Variants in KCNQ5 observed in about 807,000 individuals in gnomAD.
KCNQ5 encodes the protein potassium voltage-gated channel subfamily Q member 5.
A neutral mutation model predicts 98.2 loss-of-function variants in KCNQ5; 30 were observed. That is an observed-to-expected ratio of 0.31 (90% CI 0.23 to 0.41). The LOEUF (loss-of-function observed/expected upper bound fraction) is 0.41, where lower values mean the gene tolerates loss of function less well. Among genes scored for constraint, KCNQ5 ranks in the 10% least tolerant of loss-of-function variants. The probability of loss-of-function intolerance (pLI) is 1.00; values close to 1 mark genes in which losing one functional copy is unlikely to be tolerated. For synonymous variants in KCNQ5, 458 were observed against 449.4 expected, an observed-to-expected ratio of 1.02 and a Z score of -0.24; for missense variants, 835 against 1,182.5, an observed-to-expected ratio of 0.71 and a Z score of 4.31.
At chr6:72,626,842 A>T (rs907577790) in intron 1 of KCNQ5, among the ~76,000 whole-genome samples, 1 of 152,232 alleles carries the variant, frequency 6.6e-6, no homozygotes, top group Non-Finnish European at 1.5e-5. Flanking sequence ...AACCAAAGAA[A>T]TGTTAAGGAG....
chr6:73,176,637 C>T (rs1778225261), intron 11 of KCNQ5, among the ~76,000 whole-genome samples: 1 of 152,098 alleles, frequency 6.6e-6, no homozygotes, highest in Non-Finnish European at 1.5e-5. Flanking sequence ...GCTGGGCAGT[C>T]ATGATGGAGA....
At chr6:72,869,470 A>G (rs1193805083) in intron 1 of KCNQ5, among the ~76,000 whole-genome samples, 3 of 152,302 alleles carry the variant, frequency 2.0e-5, no homozygotes, top group Non-Finnish European at 4.4e-5. Flanking sequence ...TTCTGTAGTA[A>G]TAGATGGACT....
chr6:73,051,351 G>A (rs1772226024), intron 3 of KCNQ5, among the ~76,000 whole-genome samples: 1 of 152,182 alleles, frequency 6.6e-6, no homozygotes, highest in Non-Finnish European at 1.5e-5. Context: ...CCCAGTTGAT[G>A]AGCATTCACC....
In KCNQ5 at chr6:72,922,831, A is replaced by C. The variant is rs1392107762; in HGVS notation, c.399-81077A>C. On this transcript the variant is annotated intron_variant, in intron 1 of 13. Transcript: ENST00000370398. ...TTTTCTTTTTTTTTTTTTTTTTTTG[A>C]GATGGAATCTCACTCTGTCACCCAG... Among the ~76,000 whole-genome samples, 4 of 15,212 alleles carry C rather than the reference A, an allele frequency of 2.6e-4. No individual in the cohort carries two copies. In the South Asian group the frequency reaches 5.1e-3, roughly 19 times the overall value. 10.0% of individuals were successfully genotyped at this position (15,212 alleles called of 152,430 possible).
intron 1 of KCNQ5, among the ~76,000 whole-genome samples, chr6:72,811,483 A>G (rs1775237859): frequency 6.6e-6 from 1 of 152,218 alleles, no homozygotes; most frequent in South Asian, 2.1e-4. Context: ...TAAGTATACC[A>G]TAAATGATAT....
chr6:72,986,651 C>A, intron 1 of KCNQ5: 1 of 784,904 alleles, frequency 1.3e-6, no homozygotes, highest in Non-Finnish European at 2.2e-6. Flanking sequence ...GTCACCCAAT[C>A]CCAGGAAGCA....
chr6:73,129,720 TA>T, intron 9 of KCNQ5: 1 of 1,316,320 alleles, frequency 7.6e-7, no homozygotes, highest in South Asian at 1.3e-5. Flanking sequence ...TTTGTTTTTA[TA>T]AAAGAATCCC....
chr6:72,694,479 C>T (rs1309287097), intron 1 of KCNQ5, among the ~76,000 whole-genome samples: 1 of 152,128 alleles, frequency 6.6e-6, no homozygotes, highest in Non-Finnish European at 1.5e-5. Context: ...AAAACATTGG[C>T]CTGGGTAGGA....
intron 5 of KCNQ5, among the ~76,000 whole-genome samples, chr6:73,080,367 G>A (rs999519835): frequency 2.0e-5 from 3 of 151,938 alleles, no homozygotes; most frequent in African/African-American, 4.8e-5. Context: ...ATCAAACTTC[G>A]AAGAATTTTT....
intron 13 of KCNQ5, among the ~76,000 whole-genome samples, chr6:73,193,169 C>T (rs528288521): frequency 6.5e-4 from 99 of 151,736 alleles, no homozygotes; most frequent in South Asian, 5.8e-3. Context: ...TACAGGCATG[C>T]GCCACCAAGA....
At chr6:73,085,329 C>T (rs76679028) in intron 5 of KCNQ5, among the ~76,000 whole-genome samples, 12,935 of 152,134 alleles carry the variant, frequency 0.085, 1,201 homozygotes, top group African/African-American at 0.23. Context: ...GATGCATGCA[C>T]GCTCCAGGCA....
chr6:72,738,154 C>CA (rs35866498), intron 1 of KCNQ5, among the ~76,000 whole-genome samples: 16 of 148,718 alleles, frequency 1.1e-4, no homozygotes, highest in Non-Finnish European at 7.5e-5. Flanking sequence ...GACTCCATTT[C>CA]AAAAAAAAAA....
intron 1 of KCNQ5, among the ~76,000 whole-genome samples, chr6:72,643,967 A>G (rs747877896): frequency 1.3e-5 from 2 of 152,180 alleles, no homozygotes. Flanking sequence ...GCATCCTTTG[A>G]AAAGAATGAG....
At position 73,183,152 on chromosome 6, in the gene KCNQ5, A is replaced by G. The variant is rs114754383; in HGVS notation, c.1578-7421A>G. Reference sequence around the variant, plus strand: ...CAAGGCAGAGTAGGAGGTCAGATCCATAGACAGCCTAAACATTCTCCTTAA... The same window carrying G: ...CAAGGCAGAGTAGGAGGTCAGATCCGTAGACAGCCTAAACATTCTCCTTAA... On this transcript the variant is annotated intron_variant, in intron 11 of 13. Coordinates refer to ENST00000370398, the MANE Select transcript of KCNQ5 (RefSeq NM_019842.4). Among the ~76,000 whole-genome samples the G allele has an allele frequency of 2.6e-3, 391 of 152,338 alleles. 2 individuals carry two copies. Among genetic ancestry groups the G allele is most frequent in the African/African-American group, 7.8e-3 (326 of 41,584 alleles).
At chr6:73,033,792 C>T (rs1771264813) in intron 2 of KCNQ5, among the ~76,000 whole-genome samples, 1 of 151,806 alleles carries the variant, frequency 6.6e-6, no homozygotes, top group South Asian at 2.1e-4. Flanking sequence ...CTCACAACCA[C>T]CTCTGTGCAG....
At chr6:73,171,819 C>G (rs1454898345) in intron 11 of KCNQ5, among the ~76,000 whole-genome samples, 2 of 152,158 alleles carry the variant, frequency 1.3e-5, no homozygotes, top group Non-Finnish European at 2.9e-5. Flanking sequence ...ATCTGACTTG[C>G]AACAAGTATG....
At position 72,645,398 on chromosome 6, in the gene KCNQ5, A is replaced by G. The variant is rs1001138350; in HGVS notation, c.398+22811A>G. On this transcript the variant is annotated intron_variant, in intron 1 of 13. Coordinates refer to ENST00000370398, the MANE Select transcript of KCNQ5 (RefSeq NM_019842.4). ...AAGACCTTGTCTCAAGGAAAAAAAA[A>G]AAACACACATACACACAAAACAAAT... Among the ~76,000 whole-genome samples the G allele has an allele frequency of 7.2e-5, 11 of 151,874 alleles. No homozygotes were observed. In the East Asian group the frequency reaches 2.1e-3, roughly 29 times the overall value.
intron 5 of KCNQ5, among the ~76,000 whole-genome samples, chr6:73,092,418 G>A (rs2150406330): frequency 6.6e-6 from 1 of 152,226 alleles, no homozygotes; most frequent in Non-Finnish European, 1.5e-5. Flanking sequence ...GTATTATGAT[G>A]AAGAGGAGTG....
intron 1 of KCNQ5, among the ~76,000 whole-genome samples, chr6:72,794,642 T>G (rs1008395711): frequency 6.6e-6 from 1 of 152,206 alleles, no homozygotes; most frequent in African/African-American, 2.4e-5. Flanking sequence ...AGGGACAGAT[T>G]GCTTTCTTTT....
Sources: allele counts gnomAD v4.1 joint callset (sites outside exome capture counted in the v4.1 genomes callset), GRCh38; gene constraint gnomAD v4.1.1; transcripts MANE v1.5; gene names NCBI Gene and HGNC (gene_info 2026-07-23, HGNC 2026-07-21).